EPHA3: variants seen among roughly 807,000 people sequenced by gnomAD.
EPHA3 encodes EPH receptor A3.
In EPHA3, 42 loss-of-function variants were observed where a neutral mutation model predicts 107.1. That is an observed-to-expected ratio of 0.39 (90% confidence interval 0.31 to 0.51). The LOEUF (loss-of-function observed/expected upper bound fraction) is 0.51, where lower values mean the gene tolerates loss of function less well. Ranked by LOEUF, EPHA3 falls within the 20% of genes least tolerant of loss-of-function variation. The probability of loss-of-function intolerance (pLI) is 0.78; values close to 1 mark genes in which losing one functional copy is unlikely to be tolerated. For missense variants in EPHA3, 1,183 were observed against 1,211.2 expected (o/e 0.98, Z 0.35); for synonymous variants, 461 against 424.8 (o/e 1.09, Z -1.05).
chr3:89,210,478 T>A lies in EPHA3; in HGVS notation c.772T>A (p.Ser258Thr). The A allele has an allele frequency of 6.3e-7, 1 of 1,582,656 alleles. No individual in the cohort carries two copies. The highest frequency in any genetic ancestry group is 1.4e-5 in the African/African-American group (1 of 73,666). ...ATGGCTTGTACCCATTGGCAAGTGT[T>A]CCTGCAATGCTGGCTATGAAGAAAG... is the stretch of plus-strand genomic sequence containing the variant. ...GEWLVPIGKC[S>T]CNAGYEERGF... The change falls in exon 3 of 17, where the codon TCC becomes ACC. Residue 258 changes from serine to threonine, a missense_variant. Physicochemically the swap from Ser to Thr is moderately conservative, Grantham distance 58 (BLOSUM62 1). Coordinates refer to ENST00000336596, the MANE Select transcript of EPHA3 (RefSeq NM_005233.6).
At chr3:89,392,437 G>A (rs796511981) in intron 5 of EPHA3, among the ~76,000 whole-genome samples, 2,390 of 140,648 alleles carry the variant, frequency 0.017, 63 homozygotes, top group African/African-American at 0.058. Flanking sequence ...AAACTCCATC[G>A]AAAAAAAAAA....
At chr3:89,290,165 T>C (rs1706178712) in intron 3 of EPHA3, among the ~76,000 whole-genome samples, 1 of 152,140 alleles carries the variant, frequency 6.6e-6, no homozygotes. Flanking sequence ...CTTCTTATCA[T>C]TCTAACTACA....
chr3:89,242,759 A>G (rs58858051), intron 3 of EPHA3, among the ~76,000 whole-genome samples: 1 of 151,184 alleles, frequency 6.6e-6, no homozygotes, highest in Non-Finnish European at 1.5e-5. Context: ...TCTTTCTTTT[A>G]TTTTTTTATT....
At chr3:89,392,054 G>A (rs1708754494) in intron 5 of EPHA3, among the ~76,000 whole-genome samples, 1 of 152,078 alleles carries the variant, frequency 6.6e-6, no homozygotes, top group Non-Finnish European at 1.5e-5. Flanking sequence ...GCCTGCACCA[G>A]TTTCTCAGCA....
intron 3 of EPHA3, among the ~76,000 whole-genome samples, chr3:89,270,977 G>A (rs1490031074): frequency 6.6e-6 from 1 of 151,702 alleles, no homozygotes; most frequent in South Asian, 2.1e-4. Flanking sequence ...GGAAGGGGAG[G>A]GATTGGTCTT....
intron 3 of EPHA3, among the ~76,000 whole-genome samples, chr3:89,293,125 A>C (rs935994927): frequency 6.6e-6 from 1 of 152,080 alleles, no homozygotes; most frequent in Non-Finnish European, 1.5e-5. Context: ...GTGTGCTTAT[A>C]TTCCATATGC....
chr3:89,146,111 G>A (rs1704552797), intron 2 of EPHA3, among the ~76,000 whole-genome samples: 1 of 151,718 alleles, frequency 6.6e-6, no homozygotes, highest in South Asian at 2.1e-4. Flanking sequence ...GTTTTGAATT[G>A]CCCACTGCTC....
At chr3:89,287,982 A>G (rs1474067591) in intron 3 of EPHA3, among the ~76,000 whole-genome samples, 1 of 152,114 alleles carries the variant, frequency 6.6e-6, no homozygotes, top group Non-Finnish European at 1.5e-5. Context: ...TGTTTCAGCT[A>G]CATAGGGTTA....
At chr3:89,211,748 T>C (rs1476282293) in intron 3 of EPHA3, among the ~76,000 whole-genome samples, 2 of 35,476 alleles carry the variant, frequency 5.6e-5, no homozygotes, top group South Asian at 1.2e-3. Flanking sequence ...TTCTCCTTCT[T>C]CTTCTTCTTC....
Position 89,480,467 on chromosome 3 carries a change from C to A in EPHA3, c.*965C>A, listed in dbSNP as rs1275049672. On this transcript the variant is annotated 3_prime_UTR_variant, in exon 17 of 17. Transcript: ENST00000336596. ...ATGGATTTTCAACCAGATAACATAC[C>A]TTTCCTGCTCTGGTGCTTAGAGACT... The A allele has an allele frequency of 3.4e-5, 8 of 233,136 alleles. No homozygotes were observed. The highest frequency in any genetic ancestry group is 6.8e-5 in the Non-Finnish European group (8 of 117,854). 14.4% of individuals were successfully genotyped at this position (233,136 alleles called of 1,614,324 possible).
chr3:89,430,054 G>C (rs189056590), intron 12 of EPHA3, among the ~76,000 whole-genome samples: 1 of 152,034 alleles, frequency 6.6e-6, no homozygotes, highest in Non-Finnish European at 1.5e-5. Context: ...ATGAGCCACC[G>C]CACCTGGCCA....
intron 2 of EPHA3, among the ~76,000 whole-genome samples, chr3:89,183,711 T>C (rs1331044815): frequency 6.6e-6 from 1 of 152,010 alleles, no homozygotes; most frequent in Non-Finnish European, 1.5e-5. Context: ...ATGTTCCTTT[T>C]GCTTTATGAG....
chr3:89,356,728 C>A (rs1463276142), intron 5 of EPHA3, among the ~76,000 whole-genome samples: 1 of 150,978 alleles, frequency 6.6e-6, no homozygotes, highest in Non-Finnish European at 1.5e-5. Flanking sequence ...AGGTGCCCTA[C>A]ATAGGATGTA....
At chr3:89,107,930 G>A in intron 1 of EPHA3, 94 bp downstream of exon 1, 1 of 1,246,518 alleles carries the variant, frequency 8.0e-7, no homozygotes, top group Non-Finnish European at 1.2e-6. Context: ...TCGGGAAGGT[G>A]CCTCCGAATA....
At chr3:89,250,400 A>G (rs1420189358) in intron 3 of EPHA3, among the ~76,000 whole-genome samples, 1 of 152,142 alleles carries the variant, frequency 6.6e-6, no homozygotes, top group Non-Finnish European at 1.5e-5. Flanking sequence ...ATGTAACATC[A>G]AGGTATTGCT....
intron 3 of EPHA3, among the ~76,000 whole-genome samples, chr3:89,310,744 C>T (rs988070044): frequency 2.0e-5 from 3 of 151,694 alleles, no homozygotes; most frequent in African/African-American, 7.2e-5. Flanking sequence ...AAGTGAATTC[C>T]CTGATAATTC....
chr3:89,110,554 C>T (rs1707079329), intron 1 of EPHA3, among the ~76,000 whole-genome samples: 1 of 151,934 alleles, frequency 6.6e-6, no homozygotes, highest in Admixed American at 6.6e-5. Context: ...ATTCATAATT[C>T]CAATGATCAC....
At chr3:89,308,536 G>A (rs1706682807) in intron 3 of EPHA3, among the ~76,000 whole-genome samples, 1 of 151,846 alleles carries the variant, frequency 6.6e-6, no homozygotes, top group Admixed American at 6.6e-5. Flanking sequence ...TAAGAATTCT[G>A]CTTGCACAAG....
intron 3 of EPHA3, among the ~76,000 whole-genome samples, chr3:89,265,463 T>C (rs988442840): frequency 2.6e-5 from 4 of 152,178 alleles, no homozygotes; most frequent in Admixed American, 6.5e-5. Context: ...TTTTAATATT[T>C]TTTGTAAATA....
Sources: allele counts gnomAD v4.1 joint callset (sites outside exome capture counted in the v4.1 genomes callset), GRCh38; gene constraint gnomAD v4.1.1; transcripts MANE v1.5; gene names NCBI Gene and HGNC (gene_info 2026-07-23, HGNC 2026-07-21).